The following LLGL1 variants were observed in gnomAD, a reference collection of about 807,000 sequenced individuals.
LLGL1 encodes the protein lethal(2) giant larvae protein homolog 1.
A neutral mutation model predicts 110.6 loss-of-function variants in LLGL1; 58 were observed. The ratio of observed to expected loss-of-function variants is 0.52; its 90% CI spans 0.42 to 0.65. The LOEUF is 0.65. Among genes scored for constraint, LLGL1 ranks in the 30% least tolerant of loss-of-function variants. The pLI, the probability that LLGL1 is intolerant of heterozygous loss-of-function variation, is 0.00. For synonymous variants in LLGL1, 674 were observed against 607.2 expected (o/e 1.11, Z -1.62); for missense variants, 1,229 against 1,462.1 (o/e 0.84, Z 2.60).
intron 4 of LLGL1, among the ~76,000 whole-genome samples, chr17:18,233,249 G>A (rs971673626): frequency 2.0e-5 from 3 of 152,134 alleles, no homozygotes; most frequent in East Asian, 1.9e-4. Flanking sequence ...GGGTCCCATG[G>A]GCTGTGCTTG....
rs991209778 is a variant in LLGL1, at chr17:18,235,204, C to T, written c.1176C>T (p.Ser392=). ...CCCCATACCTGGCCCCGCTGCACTC[C>T]TCTGCAATCACTTGCTCGGCCCACG... is the stretch of plus-strand genomic sequence containing the variant. ...VPAPYLAPLH[S]SAITCSAHVA... is the part of the protein sequence containing the mutation. Residue 392 remains serine, a synonymous_variant, in exon 10 of 23, where the codon TCC becomes TCT. Coordinates refer to ENST00000316843, the MANE Select transcript of LLGL1 (RefSeq NM_004140.4). 4 of 1,611,868 alleles carry T rather than the reference C, an allele frequency of 2.5e-6. No homozygotes were observed. Among genetic ancestry groups the T allele is most frequent in the South Asian group, 1.1e-5 (1 of 91,094 alleles).
chr17:18,229,926 C>T lies in LLGL1; in HGVS notation c.82-15C>T. On this transcript the variant is annotated splice_polypyrimidine_tract_variant and intron_variant, in intron 1 of 22. Coordinates refer to ENST00000316843, the MANE Select transcript of LLGL1 (RefSeq NM_004140.4). ...CTGGGAGTGCTTACCCCCAGCAGCC[C>T]TCCCCTCCTTGCAGACTGTGGAGCA... is the stretch of plus-strand genomic sequence containing the variant. The T allele has an allele frequency of 6.3e-7, 1 of 1,591,262 alleles. No individual in the cohort carries two copies. Among genetic ancestry groups the T allele is most frequent in the Non-Finnish European group, 8.6e-7 (1 of 1,168,538 alleles).
chr17:18,238,212 A>C lies in LLGL1; in HGVS notation c.2050A>C (p.Lys684Gln). 6.2e-7 allele frequency: 1 copy of C among 1,610,874 alleles called. No homozygotes were observed. The highest frequency in any genetic ancestry group is 8.5e-7 in the Non-Finnish European group (1 of 1,180,000). The change falls in exon 15 of 23, where the codon AAG (lysine) becomes CAG (glutamine). Residue 684 changes from lysine to glutamine, a missense_variant and splice_region_variant. Physicochemically the swap from Lys to Gln is moderately conservative, Grantham distance 53. Transcript: ENST00000316843. ...GAAGCGGGCTGCTAATGCCAGCAGC[A>C]AGGTGAGCTGGGGTGGGCTGCACAG... ...GKKRAANASS[K>Q]LQEANAQLAE...
At position 18,226,349 on chromosome 17, in the gene LLGL1, G is replaced by T. The variant is rs140504509; in HGVS notation, c.81+586G>T. Among the ~76,000 whole-genome samples, 158 of 152,140 alleles carry T rather than the reference G, an allele frequency of 1.0e-3. 2 individuals carry two copies. Among genetic ancestry groups the T allele is most frequent in the African/African-American group, 3.7e-3 (153 of 41,504 alleles). On this transcript the variant is annotated intron_variant, in intron 1 of 22. Transcript: ENST00000316843. ...TAGGGGCTCCATTGCGTCCCTGCTC[G>T]GCCCTTGGGACAGCCCTGGGGCCCG...
intron 7 of LLGL1, 119 bp downstream of exon 7, chr17:18,234,527 C>T (rs1349876986): frequency 9.5e-6 from 15 of 1,571,764 alleles, no homozygotes; most frequent in South Asian, 5.7e-5. Context: ...GTGTGTCTCC[C>T]GCCGACTTCC....
chr17:18,226,843 C>T (rs1467341711), intron 1 of LLGL1, among the ~76,000 whole-genome samples: 1 of 152,254 alleles, frequency 6.6e-6, no homozygotes, highest in East Asian at 1.9e-4. Flanking sequence ...GTTTTGTCCT[C>T]ATTCTTACCC....
intron 3 of LLGL1, 35 bp from the exon 4 acceptor site, chr17:18,232,637 G>A: frequency 6.2e-7 from 1 of 1,614,012 alleles, no homozygotes; most frequent in African/African-American, 1.3e-5. Context: ...CATCCCCCTA[G>A]GCCAGCCTAG....
chr17:18,242,386 T>A, intron 20 of LLGL1, 108 bp downstream of exon 20: 1 of 1,542,892 alleles, frequency 6.5e-7, no homozygotes, highest in Non-Finnish European at 8.9e-7. Flanking sequence ...AGGAGATGGG[T>A]GGTTGTGTGC....
chr17:18,236,779 C>G lies in LLGL1; in HGVS notation c.1506+19C>G, dbSNP rs1474007070. 4 of 1,612,664 alleles carry G rather than the reference C, an allele frequency of 2.5e-6. No homozygotes were observed. The African/African-American group carries it at 5.3e-5, about 22-fold the overall frequency. On this transcript the variant is annotated intron_variant, in intron 12 of 22. Transcript: ENST00000316843. Reference sequence around the variant, plus strand: ...CCGCAAGGTGGGCCCCTCCCCTGGCCCTGATGAGCTGGTCCTGACCCCGCC... The same window carrying G: ...CCGCAAGGTGGGCCCCTCCCCTGGCGCTGATGAGCTGGTCCTGACCCCGCC...
At chr17:18,238,675 G>A in intron 16 of LLGL1, 66 bp downstream of exon 16, 1 of 1,489,742 alleles carries the variant, frequency 6.7e-7, no homozygotes, top group Non-Finnish European at 9.2e-7. Flanking sequence ...TGGCCACCTG[G>A]GAGATGGGTG....
Position 18,240,463 on chromosome 17 carries a change from T to G in LLGL1, c.2207-115T>G. 5 of 1,239,540 alleles carry G rather than the reference T, an allele frequency of 4.0e-6. No individual in the cohort carries two copies. Among genetic ancestry groups the G allele is most frequent in the Non-Finnish European group, 5.5e-6 (5 of 902,620 alleles). 76.8% of individuals were successfully genotyped at this position (1,239,540 alleles called of 1,614,324 possible). ...ATCAGCCCTGAGTCCCAGGGTGTCA[T>G]AGTTAGGAAGCAGGGCTACAAGAGA... is the stretch of plus-strand genomic sequence containing the variant. On this transcript the variant is annotated intron_variant, in intron 16 of 22. Coordinates refer to ENST00000316843, the MANE Select transcript of LLGL1 (RefSeq NM_004140.4). This position sits in a 1 kb window ranked among gnomAD's most constrained non-coding sequence, Gnocchi z 5.3.
At chr17:18,241,326 G>C (rs548643471) in intron 17 of LLGL1, 125 bp from the exon 18 acceptor site, 1 of 1,269,302 alleles carries the variant, frequency 7.9e-7, no homozygotes, top group South Asian at 1.5e-5. Context: ...GTACAGGCAC[G>C]GGAGGCCACG....
chr17:18,226,498 C>T (rs865994836), intron 1 of LLGL1, among the ~76,000 whole-genome samples: 3 of 152,356 alleles, frequency 2.0e-5, no homozygotes, highest in Middle Eastern at 6.8e-3. Context: ...GCTCCAGGCT[C>T]TGCCTTGCCC....
In LLGL1 at chr17:18,233,812, C is replaced by T. The variant is rs755032823; in HGVS notation, c.427C>T (p.Leu143=). 7.7e-5 allele frequency: 125 copies of T among 1,613,828 alleles called. No individual in the cohort carries two copies. The highest frequency in any genetic ancestry group is 9.7e-5 in the Non-Finnish European group (115 of 1,179,976). The part of the protein sequence containing the change: ...PLSLTRVTVV[L]LVAASDIAAL... The stretch of plus-strand genomic sequence containing the variant: ...CAGCCTTACCCGAGTCACAGTGGTC[C>T]TGCTGGTGGCTGCCAGCGACATAGC... Residue 143 remains leucine, a synonymous_variant, in exon 5 of 23, where the codon CTG becomes TTG. Coordinates refer to ENST00000316843, the MANE Select transcript of LLGL1 (RefSeq NM_004140.4).
At chr17:18,241,812 C>T (rs531247736) in intron 18 of LLGL1, 73 bp from the exon 19 acceptor site, 1 of 1,603,830 alleles carries the variant, frequency 6.2e-7, no homozygotes, top group Non-Finnish European at 8.5e-7. Context: ...CAGGTGGGCA[C>T]AGGCCCAGGC....
In LLGL1 at chr17:18,241,598, C is replaced by G. The variant is rs780662788; in HGVS notation, c.2650C>G (p.Leu884Val). Residue 884 changes from leucine to valine, a missense_variant, in exon 18 of 23, where the codon CTG becomes GTG. Physicochemically the swap from Leu to Val is conservative, Grantham distance 32 (BLOSUM62 1). Coordinates refer to ENST00000316843, the MANE Select transcript of LLGL1 (RefSeq NM_004140.4). Reference protein sequence around the residue: ...AETCLACLTNLGDVHVFSVPG... With the variant: ...AETCLACLTNVGDVHVFSVPG... ...GACCTGCCTGGCCTGCCTCACCAAC[C>G]TGGGTGACGTCCACGTCTTCTCGGT... The G allele has an allele frequency of 1.2e-6, 2 of 1,613,716 alleles. No homozygotes were observed. The highest frequency in any genetic ancestry group is 1.7e-5 in the Admixed American group (1 of 60,006).
chr17:18,233,678 G>C (rs1036735319), intron 4 of LLGL1, 100 bp from the exon 5 acceptor site: 2 of 1,313,776 alleles, frequency 1.5e-6, no homozygotes, highest in African/African-American at 2.9e-5. Context: ...GAGTGCTGTG[G>C]GGCCAGTGAT....
In LLGL1 at chr17:18,238,204, C is replaced by G. The variant is rs1400383134; in HGVS notation, c.2042C>G (p.Ala681Gly). 6.2e-7 allele frequency: 1 copy of G among 1,611,392 alleles called. No individual in the cohort carries two copies. Among genetic ancestry groups the G allele is most frequent in the East Asian group, 2.2e-5 (1 of 44,878 alleles). The change falls in exon 15 of 23, where the codon GCC becomes GGC. Residue 681 changes from alanine (A) to glycine (G), a missense_variant. Physicochemically the swap from Ala to Gly is moderately conservative, Grantham distance 60. Coordinates refer to ENST00000316843, the MANE Select transcript of LLGL1 (RefSeq NM_004140.4). ...RVSGKKRAAN[A>G]SSKLQEANAQ... ...TCTGGCAAGAAGCGGGCTGCTAATG[C>G]CAGCAGCAAGGTGAGCTGGGGTGGG...
Position 18,237,583 on chromosome 17 carries a change from G to C in LLGL1, c.1714G>C (p.Glu572Gln). 6.2e-7 allele frequency: 1 copy of C among 1,610,434 alleles called. No individual in the cohort carries two copies. Among genetic ancestry groups the C allele is most frequent in the Non-Finnish European group, 8.5e-7 (1 of 1,179,394 alleles). ...CGAGGGCTTCACATGGAAGGGCCACGAGCGGCTGAGCCCACGCACGGGGCC... is the reference window on the plus strand; with the variant it reads ...CGAGGGCTTCACATGGAAGGGCCACCAGCGGCTGAGCCCACGCACGGGGCC... ...DREGFTWKGH[E>Q]RLSPRTGPLP... Residue 572 changes from glutamate (E) to glutamine (Q), a missense_variant, in exon 14 of 23, where the codon GAG becomes CAG. Glu to Gln is a conservative substitution (Grantham distance 29). Transcript: ENST00000316843.
Sources: gnomAD v4.1 joint callset for allele counts (sites outside exome capture counted in the v4.1 genomes callset) on GRCh38, gnomAD v4.1.1 for gene constraint, Gnocchi (gnomAD v3.1) non-coding constraint, MANE v1.5 for transcripts, NCBI Gene and HGNC (gene_info 2026-07-23, HGNC 2026-07-21) for gene names.